Variants in MARK4 observed in about 807,000 individuals in gnomAD.
The protein encoded by MARK4 is microtubule affinity regulating kinase 4.
Under a neutral mutation model 81.5 loss-of-function variants are expected in MARK4, and 19 were observed. The observed-to-expected ratio is 0.23, with a 90% CI of 0.16 to 0.34. The LOEUF (loss-of-function observed/expected upper bound fraction) is 0.34, where lower values mean the gene tolerates loss of function less well. MARK4 is among the 10% of genes least tolerant of loss of function. MARK4 has a pLI of 1.00. For synonymous variants in MARK4, 436 were observed against 439.0 expected (o/e 0.99, Z 0.08); for missense variants, 772 against 1,058.8 (o/e 0.73, Z 3.76).
Position 45,271,050 on chromosome 19 carries a change from G to A in MARK4, c.550-422G>A, listed in dbSNP as rs577251061. On this transcript the variant is annotated intron_variant, in intron 7 of 16. Transcript: ENST00000262891. The surrounding 1 kb of genome is among the most constrained non-coding windows in gnomAD (Gnocchi z 4.1). ...TTCCCAAAGTTCTGCGATTACAGGC[G>A]TGAGCCACGGTGCCCAGCCCAATTT... Among the ~76,000 whole-genome samples, 33 of 152,280 alleles carry A rather than the reference G, an allele frequency of 2.2e-4. No individual in the cohort carries two copies. Among genetic ancestry groups the A allele is most frequent in the Non-Finnish European group, 4.1e-4 (28 of 68,040 alleles).
chr19:45,280,604 G>A lies in MARK4; in HGVS notation c.1146G>A (p.Leu382=), dbSNP rs887621516. 1 of 1,613,802 alleles carries A rather than the reference G, an allele frequency of 6.2e-7. No individual in the cohort carries two copies. Among genetic ancestry groups the A allele is most frequent in the African/African-American group, 1.3e-5 (1 of 74,912 alleles). ...GTGGGGACCGGGGCGCCCCAGGGCT[G>A]GCCCTGGCACGGGTGCGGGCGCCCA... ...EEGGDRGAPG[L]ALARVRAPSD... is the part of the protein sequence containing the mutation. Residue 382 remains leucine, a synonymous_variant, in exon 12 of 17, where the codon CTG becomes CTA. Transcript: ENST00000262891.
intron 9 of MARK4, 76 bp from the exon 10 acceptor site, chr19:45,278,440 G>A (rs1970629737): frequency 7.6e-7 from 1 of 1,323,036 alleles, no homozygotes; most frequent in African/African-American, 1.4e-5. Flanking sequence ...GGAGGTTTGG[G>A]GCAGGGCAGA....
chr19:45,264,126 GCCAGAC>G (rs1250293798), intron 4 of MARK4, among the ~76,000 whole-genome samples: 1 of 152,120 alleles, frequency 6.6e-6, no homozygotes, highest in African/African-American at 2.4e-5. Flanking sequence ...GCCGCTATGT[GCCAGAC>G]CCTGGGGACA....
chr19:45,298,883 C>T lies in MARK4; in HGVS notation c.1878-928C>T, dbSNP rs900061946. Among the ~76,000 whole-genome samples the T allele has an allele frequency of 2.6e-5, 4 of 151,818 alleles. No individual in the cohort carries two copies. The East Asian group carries it at 5.8e-4, about 22-fold the overall frequency. ...TTGAGCCCAGAAGTTCAAGACCAGC[C>T]TGGACAACGTAGCAAGATCCTATCT... On this transcript the variant is annotated intron_variant, in intron 15 of 16. Coordinates refer to ENST00000262891, the MANE Select transcript of MARK4 (RefSeq NM_001199867.2).
At chr19:45,300,968 C>T (rs971327277) in intron 16 of MARK4, among the ~76,000 whole-genome samples, 1 of 152,070 alleles carries the variant, frequency 6.6e-6, no homozygotes, top group Admixed American at 6.6e-5. Flanking sequence ...TCCTGGGATG[C>T]TCATGTAGAG....
At chr19:45,257,589 G>A (rs1363669995) in intron 1 of MARK4, among the ~76,000 whole-genome samples, 1 of 151,522 alleles carries the variant, frequency 6.6e-6, no homozygotes, top group African/African-American at 2.4e-5. Context: ...TCCCCGTGTT[G>A]GCCAGGCAAG....
intron 8 of MARK4, among the ~76,000 whole-genome samples, chr19:45,274,045 C>T (rs1251061419): frequency 2.0e-5 from 3 of 151,432 alleles, no homozygotes; most frequent in Admixed American, 1.3e-4. Context: ...GTCAGGAGAG[C>T]GAGACCATCC....
intron 16 of MARK4, 27 bp downstream of exon 16, chr19:45,299,882 G>A (rs764239347): frequency 6.3e-7 from 1 of 1,580,284 alleles, no homozygotes; most frequent in Non-Finnish European, 8.6e-7. Context: ...ACCCCTGACT[G>A]CCACTTCCCC....
At chr19:45,253,912 C>T (rs1970275220) in intron 1 of MARK4, among the ~76,000 whole-genome samples, 1 of 152,170 alleles carries the variant, frequency 6.6e-6, no homozygotes, top group African/African-American at 2.4e-5. Context: ...AGTGGAACGC[C>T]TAATGAAGAC....
Position 45,251,632 on chromosome 19 carries a change from C to A in MARK4, c.44C>A (p.Ser15Ter). Residue 15 changes from serine (S) to a stop codon, truncating the protein, a stop_gained, in exon 1 of 17, where the codon TCG (serine) becomes TAG (stop). Transcript: ENST00000262891. LOFTEE classifies it high-confidence loss of function. ...TVLAPGNDRN[S>*]DTHGTLGSGR... The stretch of plus-strand genomic sequence containing the variant: ...CTGGCCCCGGGCAACGATCGGAACT[C>A]GGACACGGTGAGTGGGGCCCGGCCC... The A allele has an allele frequency of 6.7e-7, 1 of 1,503,018 alleles. No individual in the cohort carries two copies. The highest frequency in any genetic ancestry group is 2.9e-5 in the East Asian group (1 of 35,078). The allele number at this position is 1,503,018 out of a possible 1,614,324, so 93.1% of individuals were successfully genotyped here. A position where few individuals can be genotyped will look rare whatever the true frequency, so the allele number is the denominator to read the frequency against.
rs548307055 is a variant in MARK4 at position 45,277,961 on chromosome 19, C to G, written c.825C>G (p.Val275=). 4 of 1,613,566 alleles carry G rather than the reference C, an allele frequency of 2.5e-6. No individual in the cohort carries two copies. In the Admixed American group the frequency reaches 6.7e-5, roughly 27 times the overall value. Residue 275 remains valine, a synonymous_variant, in exon 9 of 17, where the codon GTC becomes GTG. Coordinates refer to ENST00000262891, the MANE Select transcript of MARK4 (RefSeq NM_001199867.2). ...GAGTACTCAGAGGGAAGTACCGGGT[C>G]CCTTTCTACATGTCAACAGACTGTG... ...RERVLRGKYR[V]PFYMSTDCES...
At position 45,304,694 on chromosome 19, in the gene MARK4, C is replaced by T. The variant is rs1272718649; in HGVS notation, c.*1984C>T. The T allele has an allele frequency of 6.6e-6, 1 of 152,306 alleles. No homozygotes were observed. Among genetic ancestry groups the T allele is most frequent in the Admixed American group, 6.6e-5 (1 of 15,260 alleles). 9.4% of individuals were successfully genotyped at this position (152,306 alleles called of 1,614,324 possible). A position where few individuals can be genotyped will look rare whatever the true frequency, so the allele number is the denominator to read the frequency against. ...CCAATGGAGGAGGCAGATGTGTCCTCAGGCAGCGACTGGGCAGGGCTGGTA... is the reference window on the plus strand; with the variant it reads ...CCAATGGAGGAGGCAGATGTGTCCTTAGGCAGCGACTGGGCAGGGCTGGTA... On this transcript the variant is annotated 3_prime_UTR_variant, in exon 17 of 17. Coordinates refer to ENST00000262891, the MANE Select transcript of MARK4 (RefSeq NM_001199867.2).
chr19:45,268,668 C>A (rs1253187696), intron 7 of MARK4, among the ~76,000 whole-genome samples: 1 of 151,884 alleles, frequency 6.6e-6, no homozygotes, highest in Non-Finnish European at 1.5e-5. Flanking sequence ...TCCCTTGAGC[C>A]CAGGAGGTTG....
chr19:45,258,954 G>A (rs372387134), intron 1 of MARK4, 35 bp from the exon 2 acceptor site: 33 of 1,599,716 alleles, frequency 2.1e-5, no homozygotes, highest in African/African-American at 1.9e-4. Context: ...CGGAAGGTGG[G>A]ATTGGATAGC....
intron 16 of MARK4, among the ~76,000 whole-genome samples, chr19:45,300,606 G>A (rs775646000): frequency 2.0e-5 from 3 of 152,136 alleles, no homozygotes; most frequent in Non-Finnish European, 4.4e-5. Context: ...AAACAAATGG[G>A]TATGGCAGTG....
At chr19:45,286,995 T>G (rs1334881561) in intron 12 of MARK4, among the ~76,000 whole-genome samples, 1 of 152,112 alleles carries the variant, frequency 6.6e-6, no homozygotes, top group Non-Finnish European at 1.5e-5. Flanking sequence ...TGGAAATACC[T>G]TGACTTATCT....
chr19:45,263,995 A>G (rs1392404079), intron 4 of MARK4, among the ~76,000 whole-genome samples: 2 of 152,138 alleles, frequency 1.3e-5, no homozygotes, highest in Admixed American at 6.5e-5. Flanking sequence ...TGTCATTATC[A>G]TTGGGCAGAG....
intron 8 of MARK4, among the ~76,000 whole-genome samples, chr19:45,275,501 G>A (rs1044697914): frequency 2.0e-5 from 3 of 149,776 alleles, no homozygotes; most frequent in Admixed American, 6.6e-5. Context: ...AAAAAAAAAA[G>A]CATCTGCTTG....
At chr19:45,285,434 T>C (rs1970730231) in intron 12 of MARK4, among the ~76,000 whole-genome samples, 1 of 152,116 alleles carries the variant, frequency 6.6e-6, no homozygotes, top group African/African-American at 2.4e-5. Flanking sequence ...AAGCCTGCGC[T>C]CTGACCTCCC....
Sources: allele counts gnomAD v4.1 joint callset (sites outside exome capture counted in the v4.1 genomes callset), GRCh38; gene constraint gnomAD v4.1.1; non-coding constraint Gnocchi (gnomAD v3.1); transcripts MANE v1.5; gene names NCBI Gene and HGNC (gene_info 2026-07-23, HGNC 2026-07-21).